Variants in NME7 observed in about 807,000 individuals in gnomAD.
NME7 encodes nucleoside diphosphate kinase 7.
In NME7, 41 loss-of-function variants were observed where a neutral mutation model predicts 49.1. The observed-to-expected ratio is 0.83, with a 90% confidence interval of 0.65 to 1.08. The LOEUF (loss-of-function observed/expected upper bound fraction) is 1.08, where lower values mean the gene tolerates loss of function less well. NME7 is among the 50% of genes least tolerant of loss of function. The pLI, the probability that NME7 is intolerant of heterozygous loss-of-function variation, is 0.00. For synonymous variants in NME7, 139 were observed against 150.6 expected, an observed-to-expected ratio of 0.92 and a Z score of 0.56; for missense variants, 423 against 463.4, an observed-to-expected ratio of 0.91 and a Z score of 0.80.
intron 9 of NME7, among the ~76,000 whole-genome samples, chr1:169,234,904 A>G (rs1358986108): frequency 1.3e-5 from 2 of 152,150 alleles, no homozygotes; most frequent in African/African-American, 2.4e-5. Flanking sequence ...CTTCATTATT[A>G]TACCAAACAA....
intron 4 of NME7, among the ~76,000 whole-genome samples, chr1:169,307,432 A>G (rs914619494): frequency 2.6e-5 from 4 of 152,224 alleles, no homozygotes; most frequent in African/African-American, 9.6e-5. Flanking sequence ...TGTGTCAACA[A>G]GTAATTAGAA....
intron 1 of NME7, among the ~76,000 whole-genome samples, chr1:169,361,389 C>T (rs939177902): frequency 3.3e-5 from 5 of 152,154 alleles, no homozygotes; most frequent in Non-Finnish European, 7.4e-5. Context: ...CCTGTGCTTT[C>T]TGATTCACTT....
chr1:169,138,367 C>G lies in NME7; in HGVS notation c.1099-5550G>C, dbSNP rs185342208. On this transcript the variant is annotated intron_variant, in intron 11 of 11. Coordinates refer to ENST00000367811, the MANE Select transcript of NME7 (RefSeq NM_013330.5). ...AAATGAAAATGTCACATTAAAATGA[C>G]TATACATTTTTCTAATTCTGGAAAC... Among the ~76,000 whole-genome samples the G allele has an allele frequency of 6.4e-4, 97 of 151,494 alleles. 3 individuals are homozygous for G. Among genetic ancestry groups the G allele is most frequent in the Admixed American group, 6.4e-3 (97 of 15,204 alleles).
chr1:169,135,360 T>C (rs1383938250), intron 11 of NME7, among the ~76,000 whole-genome samples: 1 of 152,166 alleles, frequency 6.6e-6, no homozygotes, highest in African/African-American at 2.4e-5. Context: ...CAAAGCTCAG[T>C]AATAGCTTAA....
chr1:169,341,198 C>T (rs1241361726), intron 1 of NME7, among the ~76,000 whole-genome samples: 1 of 152,088 alleles, frequency 6.6e-6, no homozygotes, highest in African/African-American at 2.4e-5. Context: ...GGCCCTGGGG[C>T]GTGACACCCT....
intron 7 of NME7, among the ~76,000 whole-genome samples, chr1:169,257,336 G>A (rs116388792): frequency 0.018 from 2,420 of 134,510 alleles, 312 homozygotes; most frequent in African/African-American, 0.057. Context: ...TCCAGGTGCT[G>A]TCCGGCATCC....
intron 10 of NME7, among the ~76,000 whole-genome samples, chr1:169,175,617 T>C (rs1659728368): frequency 6.6e-6 from 1 of 152,158 alleles, no homozygotes; most frequent in Non-Finnish European, 1.5e-5. Flanking sequence ...GGGATCAGCA[T>C]CCTATATGCA....
chr1:169,237,803 A>C (rs1210884787), intron 7 of NME7, 116 bp from the exon 8 acceptor site: 2 of 671,340 alleles, frequency 3.0e-6, no homozygotes, highest in Non-Finnish European at 5.1e-6. Flanking sequence ...ATTTAAAAAA[A>C]CACATATTTT....
At chr1:169,362,891 A>G (rs932275265) in intron 1 of NME7, among the ~76,000 whole-genome samples, 3 of 152,196 alleles carry the variant, frequency 2.0e-5, no homozygotes, top group African/African-American at 7.2e-5. Flanking sequence ...CACTAGATCA[A>G]AAGAGGAATA....
At chr1:169,198,700 G>A (rs1020343351) in intron 10 of NME7, among the ~76,000 whole-genome samples, 48 of 152,088 alleles carry the variant, frequency 3.2e-4, no homozygotes, top group African/African-American at 1.2e-3. Context: ...ATTGCCTAGG[G>A]CTGAGGGTGA....
At chr1:169,316,814 A>T (rs1558036206) in intron 3 of NME7, among the ~76,000 whole-genome samples, 1 of 152,182 alleles carries the variant, frequency 6.6e-6, no homozygotes, top group African/African-American at 2.4e-5. Context: ...TCAACACCTG[A>T]TCTTTACCTG....
Position 169,132,697 on chromosome 1 carries a change from C to CAAT in NME7, c.*87_*88insATT. The CAAT allele has an allele frequency of 7.9e-7, 1 of 1,265,754 alleles. No individual in the cohort carries two copies. Among genetic ancestry groups the CAAT allele is most frequent in the Admixed American group, 1.9e-5 (1 of 53,904 alleles). The allele number at this position is 1,265,754 out of a possible 1,614,324, so 78.4% of individuals were successfully genotyped here. ...CTTGTATTCAGTCAGGTTAAAACAA[C>CAAT]GGACAATAAAAGAATGAACACATTC... On this transcript the variant is annotated 3_prime_UTR_variant, in exon 12 of 12. Transcript: ENST00000367811.
chr1:169,359,555 TATAG>T (rs5778613), intron 1 of NME7, among the ~76,000 whole-genome samples: 6,968 of 152,174 alleles, frequency 0.046, 214 homozygotes, highest in South Asian at 0.1. Flanking sequence ...GCAGTGTTAT[TATAG>T]ATAAATGTAA....
chr1:169,155,491 T>A (rs1340499458), intron 11 of NME7, among the ~76,000 whole-genome samples: 1 of 152,232 alleles, frequency 6.6e-6, no homozygotes, highest in Non-Finnish European at 1.5e-5. Flanking sequence ...CTACAGAAGA[T>A]GCAATGCTGT....
At chr1:169,258,102 C>T (rs1205865634) in intron 7 of NME7, among the ~76,000 whole-genome samples, 2 of 131,524 alleles carry the variant, frequency 1.5e-5, no homozygotes, top group Non-Finnish European at 3.6e-5. Flanking sequence ...CTTTGAGGGG[C>T]CAAGTCAGGA....
intron 7 of NME7, among the ~76,000 whole-genome samples, chr1:169,275,700 T>G (rs1242501354): frequency 2.3e-5 from 3 of 131,538 alleles, no homozygotes; most frequent in African/African-American, 7.7e-5. Flanking sequence ...CTAATTGCCC[T>G]GGCCAGAACT....
At chr1:169,198,707 G>A (rs2101774431) in intron 10 of NME7, among the ~76,000 whole-genome samples, 1 of 152,230 alleles carries the variant, frequency 6.6e-6, no homozygotes, top group East Asian at 1.9e-4. Flanking sequence ...AGGGCTGAGG[G>A]TGAGGTGGGA....
At chr1:169,362,930 CT>C (rs935745488) in intron 1 of NME7, among the ~76,000 whole-genome samples, 2 of 152,124 alleles carry the variant, frequency 1.3e-5, no homozygotes, top group African/African-American at 4.8e-5. Context: ...GAGATTTCAA[CT>C]ATTTTGCCTT....
intron 1 of NME7, among the ~76,000 whole-genome samples, chr1:169,345,840 A>G (rs568288456): frequency 2.0e-5 from 3 of 152,238 alleles, no homozygotes; most frequent in South Asian, 2.1e-4. Context: ...ACAAGCCCCA[A>G]GTTGAAATCC....
Sources: gnomAD v4.1 joint callset for allele counts (sites outside exome capture counted in the v4.1 genomes callset) on GRCh38, gnomAD v4.1.1 for gene constraint, MANE v1.5 for transcripts, NCBI Gene and HGNC (gene_info 2026-07-23, HGNC 2026-07-21) for gene names.